The following NAA25 variants were observed in gnomAD, a reference collection of about 807,000 sequenced individuals.
NAA25 encodes the protein N-alpha-acetyltransferase 25, NatB auxiliary subunit.
In NAA25, 30 loss-of-function variants were observed where a neutral mutation model predicts 132.5. The observed-to-expected ratio is 0.23, with a 90% confidence interval of 0.17 to 0.31. The LOEUF is 0.31. Ranked by LOEUF, NAA25 falls within the 10% of genes least tolerant of loss-of-function variation. The probability of loss-of-function intolerance (pLI) is 1.00; values close to 1 mark genes in which losing one functional copy is unlikely to be tolerated. For missense variants in NAA25, 771 were observed against 1,150.4 expected (o/e 0.67, Z 4.77); for synonymous variants, 359 against 401.9 (o/e 0.89, Z 1.28).
At chr12:112,061,456 C>A in intron 11 of NAA25, 68 bp from the exon 12 acceptor site, 3 of 1,131,046 alleles carry the variant, frequency 2.7e-6, no homozygotes, top group Non-Finnish European at 2.7e-6. Context: ...CCATAATTAA[C>A]AGAAATTGAA....
At position 112,093,909 on chromosome 12, in the gene NAA25, A is replaced by T. The variant is rs535201459; in HGVS notation, c.59-773T>A. ...AAAAACTTTTTTTTTTAATTTAAAA[A>T]TTTTTTTCAACAAATAAAAACATTA... On this transcript the variant is annotated intron_variant, in intron 1 of 23. Coordinates refer to ENST00000261745, the MANE Select transcript of NAA25 (RefSeq NM_024953.4). 2.7e-3 allele frequency among the ~76,000 whole-genome samples: 411 copies of T among 151,782 alleles called. 4 individuals carry two copies. The highest frequency in any genetic ancestry group is 9.0e-3 in the African/African-American group (372 of 41,376).
chr12:112,105,416 T>G (rs922517226), intron 1 of NAA25, among the ~76,000 whole-genome samples: 1 of 152,164 alleles, frequency 6.6e-6, no homozygotes, highest in African/African-American at 2.4e-5. Context: ...GGAGACCAAA[T>G]AATCAAGTAT....
chr12:112,089,546 A>G (rs1443327592), intron 3 of NAA25, among the ~76,000 whole-genome samples: 1 of 152,230 alleles, frequency 6.6e-6, no homozygotes, highest in Non-Finnish European at 1.5e-5. Context: ...TAGAATATAC[A>G]TAGTACAGAT....
chr12:112,105,117 C>A (rs926692568), intron 1 of NAA25, among the ~76,000 whole-genome samples: 1 of 151,630 alleles, frequency 6.6e-6, no homozygotes, highest in African/African-American at 2.4e-5. Context: ...CTCAGGAGTT[C>A]GAGACCAGCC....
At chr12:112,080,895 G>T (rs1178730931) in intron 5 of NAA25, among the ~76,000 whole-genome samples, 165 bp downstream of exon 5, 1 of 152,132 alleles carries the variant, frequency 6.6e-6, no homozygotes, top group Non-Finnish European at 1.5e-5. Context: ...TTGAGCCTAG[G>T]AGGTCAAGGC....
intron 10 of NAA25, 67 bp downstream of exon 10, chr12:112,071,828 A>AACGC: frequency 9.0e-7 from 1 of 1,106,788 alleles, no homozygotes; most frequent in Non-Finnish European, 1.2e-6. Context: ...GTAGATCTCA[A>AACGC]CTAATGAATA....
At chr12:112,068,288 T>C (rs866102509) in intron 11 of NAA25, among the ~76,000 whole-genome samples, 6 of 151,058 alleles carry the variant, frequency 4.0e-5, no homozygotes, top group Admixed American at 1.3e-4. Flanking sequence ...GAGGGGGAGG[T>C]GGCTATTGTT....
At chr12:112,053,759 T>A in intron 14 of NAA25, 102 bp from the exon 15 acceptor site, 1 of 636,720 alleles carries the variant, frequency 1.6e-6, no homozygotes, top group Non-Finnish European at 2.7e-6. Context: ...AAAAAATAGC[T>A]AGGCATAAGA....
chr12:112,043,557 C>T lies in NAA25; in HGVS notation c.2250+68G>A, dbSNP rs900725981. On this transcript the variant is annotated intron_variant, in intron 18 of 23. Coordinates refer to ENST00000261745, the MANE Select transcript of NAA25 (RefSeq NM_024953.4). Reference sequence around the variant, plus strand: ...TTCCTTACTACTCACCCACCCCAAACTCCTGTTTATAAAACAGTCATAAAT... The same window carrying T: ...TTCCTTACTACTCACCCACCCCAAATTCCTGTTTATAAAACAGTCATAAAT... The T allele has an allele frequency of 1.7e-5, 27 of 1,561,290 alleles. No individual in the cohort carries two copies. In the Admixed American group the frequency reaches 4.7e-4, roughly 27 times the overall value.
rs754879253 is a variant in NAA25 at position 112,053,581 on chromosome 12, A to G, written c.1705T>C (p.Phe569Leu). 1.9e-6 allele frequency: 3 copies of G among 1,607,274 alleles called. No homozygotes were observed. The highest frequency in any genetic ancestry group is 1.7e-6 in the Non-Finnish European group (2 of 1,176,016). ...ACATCTTTCTGGTTGGAGTGAAAAA[A>G]CCTGAGTGCGAAGTTACAGGATTGG... ...ASQSCNFALR[F>L]FHSNQKDTSE... The change falls in exon 15 of 24, where the codon TTT becomes CTT. Residue 569 changes from phenylalanine (F) to leucine (L), a missense_variant. This residue lies in a region of NAA25 where 417 missense variants were observed against 733.8 expected (regional missense o/e 0.57). Coordinates refer to ENST00000261745, the MANE Select transcript of NAA25 (RefSeq NM_024953.4).
At chr12:112,036,907 A>AT (rs1367909314) in intron 22 of NAA25, among the ~76,000 whole-genome samples, 1 of 151,882 alleles carries the variant, frequency 6.6e-6, no homozygotes, top group East Asian at 1.9e-4. Context: ...GCGCGTGTGC[A>AT]TAAAAACGCT....
chr12:112,061,445 G>T, intron 11 of NAA25, 57 bp from the exon 12 acceptor site: 2 of 1,231,546 alleles, frequency 1.6e-6, no homozygotes, highest in Non-Finnish European at 2.4e-6. Context: ...TCTTCAGTAG[G>T]CCATAATTAA....
intron 4 of NAA25, among the ~76,000 whole-genome samples, chr12:112,082,946 T>C (rs1439633979): frequency 6.6e-6 from 1 of 152,152 alleles, no homozygotes; most frequent in East Asian, 1.9e-4. Flanking sequence ...AAGTAGGATG[T>C]CTGGCTAAAA....
chr12:112,106,672 C>G (rs1193725106), intron 1 of NAA25, among the ~76,000 whole-genome samples: 1 of 152,090 alleles, frequency 6.6e-6, no homozygotes, highest in African/African-American at 2.4e-5. Flanking sequence ...GAAGGTGAGC[C>G]TGGGCCAGGC....
chr12:112,081,605 G>C (rs188389833), intron 4 of NAA25, among the ~76,000 whole-genome samples: 36 of 152,228 alleles, frequency 2.4e-4, no homozygotes, highest in African/African-American at 8.2e-4. Flanking sequence ...GTTCCTTCAA[G>C]ATTCCAATAA....
intron 16 of NAA25, among the ~76,000 whole-genome samples, 190 bp from the exon 17 acceptor site, chr12:112,047,980 A>G (rs1246545868): frequency 1.3e-5 from 2 of 152,202 alleles, no homozygotes; most frequent in Non-Finnish European, 2.9e-5. Flanking sequence ...GGAAGCCCAC[A>G]CAAAACAAAG....
chr12:112,043,193 C>T lies in NAA25; in HGVS notation c.2269G>A (p.Val757Ile), dbSNP rs201752756. The T allele has an allele frequency of 6.2e-7, 1 of 1,604,234 alleles. No homozygotes were observed. Among genetic ancestry groups the T allele is most frequent in the Non-Finnish European group, 8.5e-7 (1 of 1,175,672 alleles). The change falls in exon 19 of 24, where the codon GTA (valine) becomes ATA (isoleucine). Residue 757 changes from valine to isoleucine, a missense_variant. Around this residue, in one of 3 missense-constraint regions of NAA25, gnomAD observed 324 missense variants for 400.0 expected, o/e 0.81. Transcript: ENST00000261745. ...AAGAATCCACCCATTCTGGTAGGTA[C>T]AGGACCAAGGAAAGGATACTGGAAA... ...KDIQYPFLGPVPTRMGGFFNS... is the reference protein window; with the variant it reads ...KDIQYPFLGPIPTRMGGFFNS...
chr12:112,069,277 G>A (rs1433560707), intron 10 of NAA25: 8 of 274,976 alleles, frequency 2.9e-5, no homozygotes, highest in East Asian at 9.1e-5. Flanking sequence ...AGACTAAGGC[G>A]GGCAATCCCT....
rs1057084866 is a variant in NAA25, at chr12:112,049,868, A to C, written c.1729-1425T>G. On this transcript the variant is annotated intron_variant, in intron 15 of 23. Transcript: ENST00000261745. The surrounding 1 kb of genome is among the most constrained non-coding windows in gnomAD (Gnocchi z 4.7). ...GGAACTTACAGCTGGGGAAAAAAAA[A>C]CAGCTGGTTAGGAACACATGATTCA... Among the ~76,000 whole-genome samples the C allele has an allele frequency of 3.3e-5, 5 of 152,180 alleles. No individual in the cohort carries two copies. The highest frequency in any genetic ancestry group is 1.9e-4 in the East Asian group (1 of 5,202).
Sources: gnomAD v4.1 joint callset for allele counts (sites outside exome capture counted in the v4.1 genomes callset) on GRCh38, gnomAD v4.1.1 for gene constraint, gnomAD v4.1.1 regional missense constraint, Gnocchi (gnomAD v3.1) non-coding constraint, MANE v1.5 for transcripts, NCBI Gene and HGNC (gene_info 2026-07-23, HGNC 2026-07-21) for gene names.